The following PRDM16 variants were observed in gnomAD, a reference collection of about 807,000 sequenced individuals.
The protein encoded by PRDM16 is histone-lysine N-methyltransferase PRDM16.
In PRDM16, 23 loss-of-function variants were observed where a neutral mutation model predicts 110.6. The observed-to-expected ratio is 0.21, with a 90% CI of 0.15 to 0.29. The LOEUF is 0.29. Among genes scored for constraint, PRDM16 ranks in the 10% least tolerant of loss-of-function variants. The pLI is 1.00. For synonymous variants in PRDM16, 799 were observed against 781.8 expected, an observed-to-expected ratio of 1.02 and a Z score of -0.37; for missense variants, 1,615 against 1,794.3, an observed-to-expected ratio of 0.90 and a Z score of 1.81.
intron 3 of PRDM16, among the ~76,000 whole-genome samples, chr1:3,275,444 A>G (rs1640561232): frequency 6.6e-6 from 1 of 152,136 alleles, no homozygotes; most frequent in Non-Finnish European, 1.5e-5. Context: ...GACACCCCCA[A>G]GATGAAAGGG....
rs2742680 is a variant in PRDM16, at chr1:3,085,750, C to A, written c.37+16454C>A. Among the ~76,000 whole-genome samples, 353 of 152,298 alleles carry A rather than the reference C, an allele frequency of 2.3e-3. 6 individuals are homozygous for A. The East Asian group carries it at 0.058, about 25-fold the overall frequency. On this transcript the variant is annotated intron_variant, in intron 1 of 16. Coordinates refer to ENST00000270722, the MANE Select transcript of PRDM16 (RefSeq NM_022114.4). The stretch of plus-strand genomic sequence containing the variant: ...GTGGCCATGCCAGGTCTCTTTCTGC[C>A]GCCTGGGTTGACCTTCTGGGCCACA...
At chr1:3,214,353 TA>T (rs1380133266) in intron 2 of PRDM16, among the ~76,000 whole-genome samples, 5 of 152,256 alleles carry the variant, frequency 3.3e-5, no homozygotes, top group African/African-American at 1.2e-4. Context: ...TGGCGGCTTT[TA>T]AGAGCTGATG....
At chr1:3,280,551 G>A (rs1429542653) in intron 3 of PRDM16, among the ~76,000 whole-genome samples, 1 of 152,192 alleles carries the variant, frequency 6.6e-6, no homozygotes, top group Non-Finnish European at 1.5e-5. Context: ...CCCACCTCAG[G>A]CCTTCCATCG....
At chr1:3,407,112 G>A (rs998109230) in intron 8 of PRDM16, among the ~76,000 whole-genome samples, 3 of 152,208 alleles carry the variant, frequency 2.0e-5, no homozygotes, top group African/African-American at 4.8e-5. Context: ...CTGGAGAGGC[G>A]GGGTGCTGGG....
intron 2 of PRDM16, among the ~76,000 whole-genome samples, chr1:3,219,499 C>T (rs1054000538): frequency 1.3e-5 from 2 of 152,260 alleles, no homozygotes; most frequent in African/African-American, 2.4e-5. Context: ...GGGAGGAGAG[C>T]GCAGGGGGCT....
intron 3 of PRDM16, among the ~76,000 whole-genome samples, chr1:3,351,619 C>T (rs1642491716): frequency 3.0e-5 from 2 of 65,808 alleles, no homozygotes; most frequent in Non-Finnish European, 3.5e-5. Context: ...TCTCCCCCTC[C>T]CTCTCTCCCC....
At chr1:3,160,838 A>G (rs930774135) in intron 1 of PRDM16, among the ~76,000 whole-genome samples, 2 of 152,234 alleles carry the variant, frequency 1.3e-5, no homozygotes, top group Non-Finnish European at 2.9e-5. Context: ...AGCTGGGCTC[A>G]GAGAGGTCAA....
intron 1 of PRDM16, among the ~76,000 whole-genome samples, chr1:3,153,866 A>T (rs1229161739): frequency 6.6e-6 from 1 of 152,246 alleles, no homozygotes; most frequent in Non-Finnish European, 1.5e-5. Context: ...AACATGCAGC[A>T]CTTGTCTTAC....
At chr1:3,279,503 C>G (rs1367181502) in intron 3 of PRDM16, among the ~76,000 whole-genome samples, 1 of 152,262 alleles carries the variant, frequency 6.6e-6, no homozygotes, top group Admixed American at 6.5e-5. Context: ...CCCCTGCCAC[C>G]AGGCTGGCTT....
At position 3,206,355 on chromosome 1, in the gene PRDM16, G is replaced by A. The variant is rs1638752787; in HGVS notation, c.387+19881G>A. ...GTGTATTTGCTGTGTGTGCAACACG[G>A]GGTTCCTCTCGGGGCACTGGGGATC... On this transcript the variant is annotated intron_variant, in intron 2 of 16. Transcript: ENST00000270722. This position sits in a 1 kb window ranked among gnomAD's most constrained non-coding sequence, Gnocchi z 4.9. The A allele has an allele frequency of 6.6e-6, 1 of 152,334 alleles. No individual in the cohort carries two copies. The highest frequency in any genetic ancestry group is 1.5e-5 in the Non-Finnish European group (1 of 68,124). 9.4% of individuals were successfully genotyped at this position (152,334 alleles called of 1,614,324 possible). A position where few individuals can be genotyped will look rare whatever the true frequency, so the allele number is the denominator to read the frequency against.
chr1:3,405,406 G>GC (rs143311879), intron 7 of PRDM16, 89 bp from the exon 8 acceptor site: 3 of 1,388,284 alleles, frequency 2.2e-6, no homozygotes, highest in African/African-American at 3.0e-5. Context: ...GCAGGGCCCT[G>GC]CCCCCCACAG....
intron 1 of PRDM16, among the ~76,000 whole-genome samples, chr1:3,149,927 G>A (rs1212533128): frequency 6.6e-6 from 1 of 152,176 alleles, no homozygotes; most frequent in Non-Finnish European, 1.5e-5. Context: ...TGTTGGGCCT[G>A]GACAAGGTTC....
intron 3 of PRDM16, among the ~76,000 whole-genome samples, chr1:3,267,726 G>A (rs1412629570): frequency 6.6e-6 from 1 of 152,194 alleles, no homozygotes; most frequent in African/African-American, 2.4e-5. Context: ...CCCTCCTTCT[G>A]AAAGTTGAGC....
rs770483737 is a variant in PRDM16, at chr1:3,433,833, G to A, written c.*22G>A. Reference sequence around the variant, plus strand: ...CTGACGGGCTGGGCAGCCGGGGGCCGGTGGCCAGAGCGAGGGCACCAGCCA... The same window carrying A: ...CTGACGGGCTGGGCAGCCGGGGGCCAGTGGCCAGAGCGAGGGCACCAGCCA... On this transcript the variant is annotated 3_prime_UTR_variant, in exon 17 of 17. Coordinates refer to ENST00000270722, the MANE Select transcript of PRDM16 (RefSeq NM_022114.4). 34 of 1,610,446 alleles carry A rather than the reference G, an allele frequency of 2.1e-5. 1 individual carries two copies. Among genetic ancestry groups the A allele is most frequent in the African/African-American group, 1.3e-4 (10 of 74,924 alleles).
chr1:3,305,574 G>A (rs1045453537), intron 3 of PRDM16, among the ~76,000 whole-genome samples: 2 of 152,320 alleles, frequency 1.3e-5, no homozygotes, highest in East Asian at 3.9e-4. Flanking sequence ...CTTGTTATTC[G>A]AATGGAAGTT....
intron 3 of PRDM16, chr1:3,306,615 A>G (rs1641321112): frequency 6.6e-6 from 1 of 152,232 alleles, no homozygotes; most frequent in African/African-American, 2.4e-5. Context: ...TATTCCAGAA[A>G]AATAGAAACC....
At chr1:3,348,047 G>C (rs992743838) in intron 3 of PRDM16, among the ~76,000 whole-genome samples, 3 of 152,180 alleles carry the variant, frequency 2.0e-5, no homozygotes, top group South Asian at 2.1e-4. Flanking sequence ...TGGTCAGGCT[G>C]CCCATGCCTC....
At chr1:3,149,080 T>A (rs972197724) in intron 1 of PRDM16, among the ~76,000 whole-genome samples, 1 of 152,122 alleles carries the variant, frequency 6.6e-6, no homozygotes, top group South Asian at 2.1e-4. Context: ...GGATTCCTTA[T>A]TGCAAGGGCA....
At chr1:3,120,033 G>T (rs1643058820) in intron 1 of PRDM16, among the ~76,000 whole-genome samples, 1 of 152,236 alleles carries the variant, frequency 6.6e-6, no homozygotes, top group African/African-American at 2.4e-5. Flanking sequence ...GGTGGCCGAG[G>T]CTGCTGGTGC....
Sources: gnomAD v4.1 joint callset for allele counts (sites outside exome capture counted in the v4.1 genomes callset) on GRCh38, gnomAD v4.1.1 for gene constraint, Gnocchi (gnomAD v3.1) non-coding constraint, MANE v1.5 for transcripts, NCBI Gene and HGNC (gene_info 2026-07-23, HGNC 2026-07-21) for gene names.